The following ARHGAP24 variants were observed in gnomAD, a reference collection of about 807,000 sequenced individuals.
The protein encoded by ARHGAP24 is rho GTPase-activating protein 24.
Under a neutral mutation model 76.4 loss-of-function variants are expected in ARHGAP24, and 50 were observed. That is an observed-to-expected ratio of 0.65 (90% CI 0.52 to 0.83). The LOEUF (loss-of-function observed/expected upper bound fraction) is 0.83. ARHGAP24 is among the 40% of genes least tolerant of loss of function. The pLI is 0.00. For synonymous variants in ARHGAP24, 345 were observed against 323.3 expected, an observed-to-expected ratio of 1.07 and a Z score of -0.72; for missense variants, 930 against 914.2, an observed-to-expected ratio of 1.02 and a Z score of -0.22.
At chr4:85,690,419 G>A (rs1267424082) in intron 2 of ARHGAP24, among the ~76,000 whole-genome samples, 2 of 152,094 alleles carry the variant, frequency 1.3e-5, no homozygotes, top group African/African-American at 4.8e-5. Flanking sequence ...GTAGAATTCA[G>A]CTGTGACTTC....
At chr4:85,697,332 G>A (rs1412093038) in intron 2 of ARHGAP24, among the ~76,000 whole-genome samples, 7 of 152,012 alleles carry the variant, frequency 4.6e-5, no homozygotes, top group African/African-American at 1.7e-4. Flanking sequence ...ATGGTTTCCA[G>A]TTTCATCCAT....
rs569437593 is a variant in ARHGAP24 at position 85,779,828 on chromosome 4, A to G, written c.268+57856A>G. ...CGAGGCCCTGGCTAGCTGGTATATA[A>G]TATTTGCTGCTGGCCAATAAAACAA... On this transcript the variant is annotated intron_variant, in intron 3 of 9. Coordinates refer to ENST00000395184, the MANE Select transcript of ARHGAP24 (RefSeq NM_001025616.3). 2.0e-5 allele frequency among the ~76,000 whole-genome samples: 3 copies of G among 152,298 alleles called. No individual in the cohort carries two copies. In the South Asian group the frequency reaches 6.2e-4, roughly 32 times the overall value.
At chr4:85,900,325 G>A (rs1014205917) in intron 3 of ARHGAP24, among the ~76,000 whole-genome samples, 1 of 152,192 alleles carries the variant, frequency 6.6e-6, no homozygotes, top group African/African-American at 2.4e-5. Flanking sequence ...AGCTTGTGAA[G>A]GGATAGAGTA....
At chr4:85,531,941 G>C (rs1725275137) in intron 1 of ARHGAP24, among the ~76,000 whole-genome samples, 2 of 152,086 alleles carry the variant, frequency 1.3e-5, no homozygotes, top group Non-Finnish European at 2.9e-5. Flanking sequence ...ACACCTAGTA[G>C]AGTCCTCAGA....
intron 2 of ARHGAP24, among the ~76,000 whole-genome samples, chr4:85,664,252 G>T (rs1722519604): frequency 6.6e-6 from 1 of 151,170 alleles, no homozygotes; most frequent in South Asian, 2.1e-4. Flanking sequence ...GAGTGTATGT[G>T]TCGAGGAATT....
At chr4:85,781,418 T>C (rs1727549379) in intron 3 of ARHGAP24, among the ~76,000 whole-genome samples, 1 of 152,180 alleles carries the variant, frequency 6.6e-6, no homozygotes, top group Admixed American at 6.5e-5. Context: ...AAAAACTGGA[T>C]ATATTACATA....
At chr4:85,921,072 G>T (rs1263138862) in intron 3 of ARHGAP24, among the ~76,000 whole-genome samples, 2 of 152,116 alleles carry the variant, frequency 1.3e-5, no homozygotes, top group East Asian at 3.8e-4. Context: ...AAAGATACAT[G>T]CACACATATG....
At chr4:85,928,223 T>C (rs1736123343) in intron 4 of ARHGAP24, among the ~76,000 whole-genome samples, 1 of 151,636 alleles carries the variant, frequency 6.6e-6, no homozygotes, top group African/African-American at 2.4e-5. Context: ...TTTCCTTCCT[T>C]CCTTCCTTCC....
At chr4:85,701,030 T>G (rs1724066216) in intron 2 of ARHGAP24, among the ~76,000 whole-genome samples, 1 of 152,170 alleles carries the variant, frequency 6.6e-6, no homozygotes, top group Non-Finnish European at 1.5e-5. Context: ...GAAGAAATAT[T>G]TCATTATAAG....
chr4:85,598,849 C>G (rs1314545473), intron 2 of ARHGAP24, among the ~76,000 whole-genome samples: 2 of 150,362 alleles, frequency 1.3e-5, no homozygotes, highest in Non-Finnish European at 3.0e-5. Flanking sequence ...CAGGTCATAA[C>G]TTTGAGCCCT....
intron 1 of ARHGAP24, among the ~76,000 whole-genome samples, chr4:85,534,306 C>T (rs866649799): frequency 1.9e-4 from 29 of 152,276 alleles, no homozygotes; most frequent in Middle Eastern, 3.4e-3. Context: ...TTGATCCTCC[C>T]GTTTCCTGCA....
chr4:85,733,136 T>A (rs1214316241), intron 3 of ARHGAP24, among the ~76,000 whole-genome samples: 1 of 133,024 alleles, frequency 7.5e-6, no homozygotes, highest in Non-Finnish European at 1.6e-5. Context: ...CGATCTCAGC[T>A]CATTGCAAGC....
chr4:85,714,571 CAT>C (rs1724664898), intron 2 of ARHGAP24, among the ~76,000 whole-genome samples: 1 of 152,038 alleles, frequency 6.6e-6, no homozygotes, highest in African/African-American at 2.4e-5. Context: ...GGAAATATTA[CAT>C]GTTTTCCTTG....
intron 3 of ARHGAP24, among the ~76,000 whole-genome samples, chr4:85,907,362 A>G (rs1256015346): frequency 6.6e-6 from 1 of 152,218 alleles, no homozygotes; most frequent in African/African-American, 2.4e-5. Flanking sequence ...TCTCATCTGA[A>G]TCACTTTACA....
intron 2 of ARHGAP24, among the ~76,000 whole-genome samples, chr4:85,666,805 C>G (rs1722637745): frequency 6.6e-6 from 1 of 152,204 alleles, no homozygotes; most frequent in Admixed American, 6.5e-5. Context: ...GGCTGCAGCA[C>G]AGCAGATTTT....
At chr4:85,769,595 A>G (rs1727054262) in intron 3 of ARHGAP24, among the ~76,000 whole-genome samples, 1 of 152,036 alleles carries the variant, frequency 6.6e-6, no homozygotes, top group Admixed American at 6.6e-5. Flanking sequence ...GATACACAGT[A>G]AATTGTTAGT....
chr4:85,878,570 A>G (rs541188298), intron 3 of ARHGAP24, among the ~76,000 whole-genome samples: 5 of 152,286 alleles, frequency 3.3e-5, no homozygotes, highest in Admixed American at 3.3e-4. Flanking sequence ...CTCAAATAAC[A>G]TTTTCAGCCA....
At chr4:85,823,550 G>A (rs1021616574) in intron 3 of ARHGAP24, among the ~76,000 whole-genome samples, 9 of 152,320 alleles carry the variant, frequency 5.9e-5, no homozygotes, top group East Asian at 1.9e-4. Context: ...TGTTTTGATG[G>A]AACAGCAGCT....
At chr4:85,727,581 C>T (rs1434558859) in intron 3 of ARHGAP24, among the ~76,000 whole-genome samples, 7 of 152,118 alleles carry the variant, frequency 4.6e-5, no homozygotes, top group Non-Finnish European at 1.0e-4. Context: ...TTCTTATAGA[C>T]AACTGTCAAC....
Sources: gnomAD v4.1 joint callset for allele counts (sites outside exome capture counted in the v4.1 genomes callset) on GRCh38, gnomAD v4.1.1 for gene constraint, MANE v1.5 for transcripts, NCBI Gene and HGNC (gene_info 2026-07-23, HGNC 2026-07-21) for gene names.